QTGAL: variants seen among roughly 807,000 people sequenced by gnomAD.
QTGAL encodes queuosine-tRNA galactosyltransferase.
chr17:83,001,509 G>A, the QTGAL span, among the ~76,000 whole-genome samples: 7 of 150,090 alleles, frequency 4.7e-5, no homozygotes, highest in East Asian at 4.0e-4. Flanking sequence ...GGAACACTTC[G>A]GCATCCTTCA....
At chr17:83,015,821 A>T in the QTGAL span, among the ~76,000 whole-genome samples, 2 of 152,210 alleles carry the variant, frequency 1.3e-5, no homozygotes, top group African/African-American at 2.4e-5. The surrounding 1 kb of genome is among the most constrained non-coding windows in gnomAD (Gnocchi z 4.4). Flanking sequence ...CATCTAACTA[A>T]TGCTGACGGC....
chr17:82,942,286 A>G, the QTGAL span: 7 of 961,552 alleles, frequency 7.3e-6, no homozygotes, highest in Admixed American at 1.6e-4. Flanking sequence ...AGCACCTGTC[A>G]GCCACATAGC....
the QTGAL span, among the ~76,000 whole-genome samples, chr17:82,974,298 T>A: frequency 6.6e-6 from 1 of 152,184 alleles, no homozygotes; most frequent in Admixed American, 6.5e-5. Context: ...AAGCTGACCC[T>A]GGACACTGTG....
At chr17:82,942,462 G>A in the QTGAL span, 9 of 1,613,854 alleles carry the variant, frequency 5.6e-6, no homozygotes, top group South Asian at 9.9e-5. Flanking sequence ...GGTGCCTGCT[G>A]AAGCCAGTCC....
At chr17:82,992,407 C>A in the QTGAL span, among the ~76,000 whole-genome samples, 1 of 152,128 alleles carries the variant, frequency 6.6e-6, no homozygotes, top group Non-Finnish European at 1.5e-5. Flanking sequence ...GAGAGGATGG[C>A]ATGACATATG....
At chr17:83,034,663 G>A in the QTGAL span, among the ~76,000 whole-genome samples, 1 of 152,210 alleles carries the variant, frequency 6.6e-6, no homozygotes, top group Non-Finnish European at 1.5e-5. Context: ...GCCCCGGTGG[G>A]AGGCCACTGA....
the QTGAL span, among the ~76,000 whole-genome samples, chr17:83,046,796 C>T: frequency 0.38 from 57,340 of 152,050 alleles, 11,295 homozygotes; most frequent in East Asian, 0.58. Context: ...TCATCATTCA[C>T]AGTATCAAAG....
chr17:83,027,873 G>A, the QTGAL span, among the ~76,000 whole-genome samples: 1 of 152,052 alleles, frequency 6.6e-6, no homozygotes, highest in African/African-American at 2.4e-5. Flanking sequence ...TAGCACTCTG[G>A]GAGGTCGAGG....
the QTGAL span, among the ~76,000 whole-genome samples, chr17:82,956,463 C>A: frequency 5.3e-5 from 8 of 152,240 alleles, no homozygotes; most frequent in South Asian, 2.1e-4. The surrounding 1 kb of genome is among the most constrained non-coding windows in gnomAD (Gnocchi z 5.7). Context: ...CCATCCCCCC[C>A]ACACCCATGC....
At chr17:83,000,333 C>A in the QTGAL span, among the ~76,000 whole-genome samples, 1 of 152,174 alleles carries the variant, frequency 6.6e-6, no homozygotes, top group Non-Finnish European at 1.5e-5. Flanking sequence ...TGATCAGCCT[C>A]ACCCAGCGTT....
At chr17:82,991,538 C>T in the QTGAL span, among the ~76,000 whole-genome samples, 6 of 152,278 alleles carry the variant, frequency 3.9e-5, no homozygotes, top group South Asian at 4.1e-4. Context: ...CAGCTTAGAT[C>T]GCAACACTCA....
At chr17:83,023,826 G>T in the QTGAL span, among the ~76,000 whole-genome samples, 1 of 152,318 alleles carries the variant, frequency 6.6e-6, no homozygotes, top group Non-Finnish European at 1.5e-5. Context: ...AACCTTCATG[G>T]GTTAGATGGG....
At chr17:83,050,841 G>A in the QTGAL span, among the ~76,000 whole-genome samples, 1 of 151,854 alleles carries the variant, frequency 6.6e-6, no homozygotes, top group African/African-American at 2.4e-5. Flanking sequence ...GGATGCGCAG[G>A]CAGGTGTGCA....
At chr17:83,029,644 G>A in the QTGAL span, among the ~76,000 whole-genome samples, 861 of 152,256 alleles carry the variant, frequency 5.7e-3, 5 homozygotes, top group Non-Finnish European at 0.01. Flanking sequence ...AAAAGAATTC[G>A]CAGATTGGCT....
At chr17:82,963,168 C>T in the QTGAL span, among the ~76,000 whole-genome samples, 2 of 152,158 alleles carry the variant, frequency 1.3e-5, no homozygotes, top group African/African-American at 2.4e-5. Context: ...ATGGAGCACC[C>T]AGAACTGCCT....
chr17:83,038,370 T>C, the QTGAL span, among the ~76,000 whole-genome samples: 24 of 152,222 alleles, frequency 1.6e-4, no homozygotes, highest in Admixed American at 5.2e-4. Flanking sequence ...GTTTTTATTA[T>C]TGGCAGAATT....
chr17:83,029,897 G>A, the QTGAL span, among the ~76,000 whole-genome samples: 19 of 152,270 alleles, frequency 1.2e-4, no homozygotes, highest in East Asian at 3.9e-4. Flanking sequence ...TGACGCGCCC[G>A]TTGCTTTCTT....
At chr17:83,024,152 T>C in the QTGAL span, among the ~76,000 whole-genome samples, 6 of 146,122 alleles carry the variant, frequency 4.1e-5, no homozygotes, top group Non-Finnish European at 7.4e-5. Context: ...CGTCCACTCC[T>C]GGAGGCAGAG....
chr17:82,969,220 C>T, the QTGAL span, among the ~76,000 whole-genome samples: 5 of 151,864 alleles, frequency 3.3e-5, no homozygotes, highest in South Asian at 4.1e-4. Context: ...AGTGCAGTGG[C>T]GCGATCTCAG....
Sources: allele counts gnomAD v4.1 joint callset (sites outside exome capture counted in the v4.1 genomes callset), GRCh38; gene constraint gnomAD v4.1.1; non-coding constraint Gnocchi (gnomAD v3.1); transcripts MANE v1.5; gene names NCBI Gene and HGNC (gene_info 2026-07-23, HGNC 2026-07-21).